PDCD10: variants seen among roughly 807,000 people sequenced by gnomAD.
The protein encoded by PDCD10 is programmed cell death 10.
A neutral mutation model predicts 29.2 loss-of-function variants in PDCD10; 4 were observed. That is an observed-to-expected ratio of 0.14 (90% CI 0.07 to 0.31). PDCD10 has a LOEUF of 0.31. Among genes scored for constraint, PDCD10 ranks in the 10% least tolerant of loss-of-function variants. PDCD10 has a pLI of 1.00. For synonymous variants in PDCD10, 70 were observed against 82.2 expected, an observed-to-expected ratio of 0.85 and a Z score of 0.80; for missense variants, 183 against 257.9, an observed-to-expected ratio of 0.71 and a Z score of 1.99.
chr3:167,732,801 T>C (rs1245573051), intron 2 of PDCD10, among the ~76,000 whole-genome samples: 3 of 152,206 alleles, frequency 2.0e-5, no homozygotes, highest in Non-Finnish European at 2.9e-5. Context: ...TACATTGTCA[T>C]CTAGAAAACA....
chr3:167,726,917 G>A (rs958492886), intron 2 of PDCD10, among the ~76,000 whole-genome samples: 1 of 152,016 alleles, frequency 6.6e-6, no homozygotes, highest in Non-Finnish European at 1.5e-5. Context: ...TGTCATAAAG[G>A]CCACCTACAT....
chr3:167,727,488 T>C (rs1409527191), intron 2 of PDCD10, among the ~76,000 whole-genome samples: 1 of 152,208 alleles, frequency 6.6e-6, no homozygotes, highest in Non-Finnish European at 1.5e-5. Flanking sequence ...GCCCATAAAG[T>C]TCTCAACCTA....
At chr3:167,689,437 T>A (rs1719978509) in intron 6 of PDCD10, among the ~76,000 whole-genome samples, 1 of 152,190 alleles carries the variant, frequency 6.6e-6, no homozygotes, top group Admixed American at 6.5e-5. Context: ...TGTAGTGTAT[T>A]TCAATATTCT....
chr3:167,691,552 C>T (rs1394202326), intron 6 of PDCD10, among the ~76,000 whole-genome samples: 1 of 152,176 alleles, frequency 6.6e-6, no homozygotes, highest in Non-Finnish European at 1.5e-5. Context: ...TCCCTAGAGT[C>T]ACAGACGGTT....
intron 3 of PDCD10, among the ~76,000 whole-genome samples, chr3:167,719,811 T>C (rs1577365088): frequency 6.6e-6 from 1 of 152,102 alleles, no homozygotes; most frequent in South Asian, 2.1e-4. Flanking sequence ...TTCATCACCA[T>C]TGTTCATTCA....
chr3:167,684,264 T>C lies in PDCD10; in HGVS notation c.*44A>G, dbSNP rs753845704. 1.9e-6 allele frequency: 2 copies of C among 1,055,018 alleles called. No homozygotes were observed. Among genetic ancestry groups the C allele is most frequent in the South Asian group, 2.5e-5 (2 of 79,912 alleles). 65.4% of individuals were successfully genotyped at this position (1,055,018 alleles called of 1,614,324 possible). A position where few individuals can be genotyped will look rare whatever the true frequency, so the allele number is the denominator to read the frequency against. On this transcript the variant is annotated 3_prime_UTR_variant, in exon 9 of 9. Transcript: ENST00000392750. ...TTTAAAATTTACAGATAAAGGCAGT[T>C]CAATACTGCCACTGAGAAGTACATC...
intron 4 of PDCD10, 69 bp downstream of exon 4, chr3:167,704,773 C>T (rs902582954): frequency 3.8e-6 from 4 of 1,062,362 alleles, no homozygotes; most frequent in Admixed American, 1.7e-5. Context: ...AAACTGGCAA[C>T]CATCACATGT....
intron 3 of PDCD10, among the ~76,000 whole-genome samples, chr3:167,713,077 A>C (rs536257925): frequency 2.0e-5 from 3 of 152,202 alleles, no homozygotes; most frequent in South Asian, 4.2e-4. Context: ...GAAACATCAG[A>C]CTAAATCTGC....
At chr3:167,690,878 T>C (rs1364802461) in intron 6 of PDCD10, among the ~76,000 whole-genome samples, 1 of 152,216 alleles carries the variant, frequency 6.6e-6, no homozygotes, top group Non-Finnish European at 1.5e-5. Context: ...CAAGGTTACA[T>C]AGCTAAATGT....
At chr3:167,696,056 T>C (rs1052199007) in intron 5 of PDCD10, among the ~76,000 whole-genome samples, 2 of 151,784 alleles carry the variant, frequency 1.3e-5, no homozygotes, top group Non-Finnish European at 2.9e-5. Context: ...GACATTACAT[T>C]TCCCAAGGAA....
rs1201060544 is a variant in PDCD10, at chr3:167,684,464, T to A, written c.558-75A>T. The A allele has an allele frequency of 5.0e-6, 4 of 797,138 alleles. No homozygotes were observed. In the East Asian group the frequency reaches 7.4e-5, roughly 15 times the overall value. 49.4% of individuals were successfully genotyped at this position (797,138 alleles called of 1,614,324 possible). ...CTTTTAAGATTTATACTATTAACAG[T>A]AGCAATGGAATCAATTTTAGAAAAA... On this transcript the variant is annotated intron_variant, in intron 8 of 8. Transcript: ENST00000392750.
intron 4 of PDCD10, among the ~76,000 whole-genome samples, chr3:167,703,763 T>G (rs1208162772): frequency 1.3e-5 from 2 of 152,118 alleles, no homozygotes; most frequent in African/African-American, 4.8e-5. Flanking sequence ...AACAGAAATG[T>G]AATATCAGCA....
intron 6 of PDCD10, among the ~76,000 whole-genome samples, chr3:167,692,822 G>C (rs1410956128): frequency 6.6e-6 from 1 of 152,240 alleles, no homozygotes; most frequent in African/African-American, 2.4e-5. Flanking sequence ...GGAGGCTGAG[G>C]AAGGAGAGTG....
chr3:167,729,174 C>CT (rs1381869797), intron 2 of PDCD10, among the ~76,000 whole-genome samples: 1 of 152,038 alleles, frequency 6.6e-6, no homozygotes, highest in Non-Finnish European at 1.5e-5. Flanking sequence ...ATACATATTT[C>CT]TTTTTTCAAT....
At chr3:167,701,488 C>T (rs932834782) in intron 4 of PDCD10, among the ~76,000 whole-genome samples, 25 of 152,310 alleles carry the variant, frequency 1.6e-4, no homozygotes, top group Admixed American at 3.3e-4. Context: ...GGCCTCCGCA[C>T]CTAGCCTTTA....
chr3:167,725,515 C>A (rs1724025859), intron 2 of PDCD10: 1 of 151,698 alleles, frequency 6.6e-6, no homozygotes, highest in African/African-American at 2.4e-5. Flanking sequence ...AGTCAGTGAT[C>A]CTACTTAGAG....
At position 167,684,163 on chromosome 3, in the gene PDCD10, G is replaced by GT; in HGVS notation, c.*144dup. The GT allele has an allele frequency of 1.6e-6, 1 of 627,246 alleles. No individual in the cohort carries two copies. The highest frequency in any genetic ancestry group is 2.9e-6 in the Non-Finnish European group (1 of 340,516). 38.9% of individuals were successfully genotyped at this position (627,246 alleles called of 1,614,324 possible). Reference sequence around the variant, plus strand: ...AAGCTACATTTTACAAAAATATGGTGTAAGATGGCAATAATCCCATTCAAC... The same window carrying GT: ...AAGCTACATTTTACAAAAATATGGTGTTAAGATGGCAATAATCCCATTCAAC... On this transcript the variant is annotated 3_prime_UTR_variant, in exon 9 of 9. Coordinates refer to ENST00000392750, the MANE Select transcript of PDCD10 (RefSeq NM_007217.4).
At chr3:167,694,788 C>CTT (rs774294657) in intron 6 of PDCD10, 1 of 152,418 alleles carries the variant, frequency 6.6e-6, no homozygotes, top group Non-Finnish European at 1.5e-5. Flanking sequence ...AGTGAGTCTC[C>CTT]TTAGGTTCTT....
intron 6 of PDCD10, among the ~76,000 whole-genome samples, chr3:167,689,801 T>A (rs1720020030): frequency 6.6e-6 from 1 of 152,186 alleles, no homozygotes; most frequent in South Asian, 2.1e-4. Flanking sequence ...AGCCTCTGTT[T>A]GGACACGAGG....
Sources: gnomAD v4.1 joint callset for allele counts (sites outside exome capture counted in the v4.1 genomes callset) on GRCh38, gnomAD v4.1.1 for gene constraint, MANE v1.5 for transcripts, NCBI Gene and HGNC (gene_info 2026-07-23, HGNC 2026-07-21) for gene names.